FBXO41: variants seen among roughly 807,000 people sequenced by gnomAD.
FBXO41 encodes the protein F-box protein 41, also known as F-box only protein 41.
Under a neutral mutation model 81.6 loss-of-function variants are expected in FBXO41, and 33 were observed. That is an observed-to-expected ratio of 0.40 (90% CI 0.31 to 0.54). The LOEUF is 0.54. FBXO41 is among the 20% of genes least tolerant of loss of function. The pLI, the probability that FBXO41 is intolerant of heterozygous loss-of-function variation, is 0.39. For missense variants in FBXO41, 1,107 were observed against 1,236.0 expected (o/e 0.90, Z 1.56); for synonymous variants, 576 against 552.7 (o/e 1.04, Z -0.59).
Position 73,260,652 on chromosome 2 carries a change from C to T in FBXO41, c.2290+88G>A, listed in dbSNP as rs1687982495. On this transcript the variant is annotated intron_variant, in intron 10 of 12. Coordinates refer to ENST00000520530, the MANE Select transcript of FBXO41 (RefSeq NM_001371389.2). This position sits in a 1 kb window ranked among gnomAD's most constrained non-coding sequence, Gnocchi z 5.0. ...CCACCTGCCACCACCCAGGCTGCAG[C>T]CCCAAGCCCCTGTGGGATTTCACAA... 3.3e-6 allele frequency: 5 copies of T among 1,524,216 alleles called. No homozygotes were observed. Among genetic ancestry groups the T allele is most frequent in the Non-Finnish European group, 3.5e-6 (4 of 1,129,262 alleles). 94.4% of individuals were successfully genotyped at this position (1,524,216 alleles called of 1,614,324 possible). A position where few individuals can be genotyped will look rare whatever the true frequency, so the allele number is the denominator to read the frequency against.
intron 1 of FBXO41, chr2:73,271,623 T>TGCCC (rs1688492959): frequency 9.3e-6 from 1 of 107,638 alleles, no homozygotes; most frequent in African/African-American, 3.6e-5. Context: ...AATTCTGCAC[T>TGCCC]CCCCCCCCCC....
At position 73,259,250 on chromosome 2, in the gene FBXO41, C is replaced by T. The variant is rs764352742; in HGVS notation, c.2496G>A (p.Ala832=). The T allele has an allele frequency of 1.9e-5, 30 of 1,613,920 alleles. No homozygotes were observed. Among genetic ancestry groups the T allele is most frequent in the East Asian group, 1.3e-4 (6 of 44,892 alleles). ...GGCTGCTGGGCTCTTTGAAATAATCCGCAATCCCAATCTGGACCACAATGG... is the reference window on the plus strand; with the variant it reads ...GGCTGCTGGGCTCTTTGAAATAATCTGCAATCCCAATCTGGACCACAATGG... ...LKSIVVQIGI[A]DYFKEPSSPE... The change falls in exon 12 of 13, where the codon GCG becomes GCA. Residue 832 remains alanine, a synonymous_variant. Transcript: ENST00000520530. The surrounding 1 kb of genome is among the most constrained non-coding windows in gnomAD (Gnocchi z 4.2).
chr2:73,260,059 T>C lies in FBXO41; in HGVS notation c.2449+330A>G, dbSNP rs1687950606. ...TCTGGAGTCCAGGGAGAGAGGAGTC[T>C]TCACCCTGAGAACTGTCCTTGGGGG... On this transcript the variant is annotated intron_variant, in intron 11 of 12. Coordinates refer to ENST00000520530, the MANE Select transcript of FBXO41 (RefSeq NM_001371389.2). The surrounding 1 kb of genome is among the most constrained non-coding windows in gnomAD (Gnocchi z 5.0). Among the ~76,000 whole-genome samples the C allele has an allele frequency of 6.6e-6, 1 of 152,162 alleles. No individual in the cohort carries two copies. The highest frequency in any genetic ancestry group is 2.1e-4 in the South Asian group (1 of 4,828).
chr2:73,259,424 AC>A lies in FBXO41; in HGVS notation c.2450-129del. ...CCGGGAACACGACAGAGGAGAGCAGACTCATGCCACCTGGGGGCTGGCGACC... is the reference window on the plus strand; with the variant it reads ...CCGGGAACACGACAGAGGAGAGCAGATCATGCCACCTGGGGGCTGGCGACC... On this transcript the variant is annotated intron_variant, in intron 11 of 12. Transcript: ENST00000520530. This position sits in a 1 kb window ranked among gnomAD's most constrained non-coding sequence, Gnocchi z 4.2. 1.3e-6 allele frequency: 1 copy of A among 769,214 alleles called. No individual in the cohort carries two copies. Among genetic ancestry groups the A allele is most frequent in the South Asian group, 1.7e-5 (1 of 60,070 alleles). The allele number at this position is 769,214 out of a possible 1,614,324, so 47.6% of individuals were successfully genotyped here. A position where few individuals can be genotyped will look rare whatever the true frequency, so the allele number is the denominator to read the frequency against.
rs189883609 is a variant in FBXO41 at position 73,263,915 on chromosome 2, C to T, written c.1922+23G>A. On this transcript the variant is annotated intron_variant, in intron 7 of 12. Transcript: ENST00000520530. ...AGGTCTGTGGCCCAACAGCACCCACCACCCACCCATCGCAGGCCTCACCGG... is the reference window on the plus strand; with the variant it reads ...AGGTCTGTGGCCCAACAGCACCCACTACCCACCCATCGCAGGCCTCACCGG... 1.2e-5 allele frequency: 19 copies of T among 1,613,294 alleles called. No homozygotes were observed. The African/African-American group carries it at 1.9e-4, about 16-fold the overall frequency.
chr2:73,262,938 T>G (rs1187017500), intron 9 of FBXO41, among the ~76,000 whole-genome samples: 1 of 152,148 alleles, frequency 6.6e-6, no homozygotes. Context: ...AGAGACAGGG[T>G]GTCTCCATGT....
At position 73,257,097 on chromosome 2, in the gene FBXO41, T is replaced by C. The variant is rs1192657448; in HGVS notation, c.*1885A>G. 6.5e-6 allele frequency: 1 copy of C among 152,850 alleles called. No individual in the cohort carries two copies. The highest frequency in any genetic ancestry group is 1.5e-5 in the Non-Finnish European group (1 of 68,200). 9.5% of individuals were successfully genotyped at this position (152,850 alleles called of 1,614,324 possible). On this transcript the variant is annotated 3_prime_UTR_variant, in exon 13 of 13. Transcript: ENST00000520530. The surrounding 1 kb of genome is among the most constrained non-coding windows in gnomAD (Gnocchi z 4.6). ...GACCTCCACCTCCCTTCCAGGCCTC[T>C]GGAGGAGAGGAAAGAAAGCTGTGCT... is the stretch of plus-strand genomic sequence containing the variant.
At chr2:73,272,104 TCA>T (rs1334923958) in intron 1 of FBXO41, 1 of 152,176 alleles carries the variant, frequency 6.6e-6, no homozygotes, top group Non-Finnish European at 1.5e-5. Flanking sequence ...CATTCCCCAC[TCA>T]CAGGTTGGTG....
At chr2:73,263,642 G>C (rs1239127117) in intron 8 of FBXO41, 36 bp downstream of exon 8, 1 of 1,610,710 alleles carries the variant, frequency 6.2e-7, no homozygotes, top group South Asian at 1.1e-5. Context: ...CCTGGGCTTA[G>C]AGGGAACAGG....
rs1013270402 is a variant in FBXO41, at chr2:73,266,906, C to T, written c.906-224G>A. ...AGCCACACACTCACACCCCACCCACCTGGCCCCAGACCCTGCTCTCCACAG... is the reference window on the plus strand; with the variant it reads ...AGCCACACACTCACACCCCACCCACTTGGCCCCAGACCCTGCTCTCCACAG... On this transcript the variant is annotated intron_variant, in intron 2 of 12. Coordinates refer to ENST00000520530, the MANE Select transcript of FBXO41 (RefSeq NM_001371389.2). This position sits in a 1 kb window ranked among gnomAD's most constrained non-coding sequence, Gnocchi z 5.3. 1 of 564,048 alleles carries T rather than the reference C, an allele frequency of 1.8e-6. No homozygotes were observed. The highest frequency in any genetic ancestry group is 2.8e-6 in the Non-Finnish European group (1 of 352,254). The allele number at this position is 564,048 out of a possible 1,614,324, so 34.9% of individuals were successfully genotyped here.
Position 73,260,591 on chromosome 2 carries a change from G to A in FBXO41, c.2291-44C>T. On this transcript the variant is annotated intron_variant, in intron 10 of 12. Coordinates refer to ENST00000520530, the MANE Select transcript of FBXO41 (RefSeq NM_001371389.2). The surrounding 1 kb of genome is among the most constrained non-coding windows in gnomAD (Gnocchi z 5.0). ...GGGATCCTGCTGACACACTCCCCAG[G>A]TCACCCCTGCAGCCAGCACCCTGGC... 2 of 1,556,996 alleles carry A rather than the reference G, an allele frequency of 1.3e-6. No homozygotes were observed. Among genetic ancestry groups the A allele is most frequent in the Non-Finnish European group, 1.7e-6 (2 of 1,150,804 alleles).
chr2:73,265,362 T>C lies in FBXO41; in HGVS notation c.1484A>G (p.Glu495Gly). Residue 495 changes from glutamate to glycine, a missense_variant, in exon 5 of 13, where the codon GAG becomes GGG. Physicochemically the swap from Glu to Gly is moderately conservative, Grantham distance 98. Coordinates refer to ENST00000520530, the MANE Select transcript of FBXO41 (RefSeq NM_001371389.2). ...DVSDVGSRTT[E>G]SEAEGPLDAP... ...ATCCAACGGGCCCTCAGCCTCTGAC[T>C]CAGTGGTTCGGGAGCCAACGTCGGA... The C allele has an allele frequency of 6.2e-7, 1 of 1,612,016 alleles. No homozygotes were observed. The highest frequency in any genetic ancestry group is 8.5e-7 in the Non-Finnish European group (1 of 1,179,752).
chr2:73,260,679 G>T lies in FBXO41; in HGVS notation c.2290+61C>A. The T allele has an allele frequency of 6.6e-7, 1 of 1,515,378 alleles. No individual in the cohort carries two copies. Among genetic ancestry groups the T allele is most frequent in the South Asian group, 1.3e-5 (1 of 79,072 alleles). 93.9% of individuals were successfully genotyped at this position (1,515,378 alleles called of 1,614,324 possible). ...CCAAGCCCCTGTGGGATTTCACAAG[G>T]CAGCACTGCACCCATGCCTGCTTCC... On this transcript the variant is annotated intron_variant, in intron 10 of 12. Coordinates refer to ENST00000520530, the MANE Select transcript of FBXO41 (RefSeq NM_001371389.2). The surrounding 1 kb of genome is among the most constrained non-coding windows in gnomAD (Gnocchi z 5.0).
rs1688416531 is a variant in FBXO41 at position 73,269,480 on chromosome 2, C to T, written c.151G>A (p.Ala51Thr). The change falls in exon 2 of 13, where the codon GCC becomes ACC. Residue 51 changes from alanine to threonine, a missense_variant. By Grantham distance (58) the Ala-to-Thr change is moderately conservative. This residue lies in a region of FBXO41 where 771 missense variants were observed against 789.2 expected (regional missense o/e 0.98). Coordinates refer to ENST00000520530, the MANE Select transcript of FBXO41 (RefSeq NM_001371389.2). The surrounding 1 kb of genome is among the most constrained non-coding windows in gnomAD (Gnocchi z 7.0). ...GCGGCGGCGGCCGCGGCGGCGGCGG[C>T]GCCGTCGCAGATGCTGTTGGTCTTG... is the stretch of plus-strand genomic sequence containing the variant. ...LSKTNSICDGAAAAAAAAAAA... is the reference protein window; with the variant it reads ...LSKTNSICDGTAAAAAAAAAA... The T allele has an allele frequency of 3.9e-6, 5 of 1,283,356 alleles. No homozygotes were observed. Among genetic ancestry groups the T allele is most frequent in the Admixed American group, 3.6e-5 (1 of 27,926 alleles). The allele number at this position is 1,283,356 out of a possible 1,614,324, so 79.5% of individuals were successfully genotyped here.
intron 1 of FBXO41, among the ~76,000 whole-genome samples, chr2:73,283,779 C>T (rs1688914719): frequency 6.6e-6 from 1 of 152,132 alleles, no homozygotes; most frequent in African/African-American, 2.4e-5. Flanking sequence ...CAGGCCCCTC[C>T]CCCAGCCCCT....
At chr2:73,261,361 A>T (rs529532105) in intron 9 of FBXO41, among the ~76,000 whole-genome samples, 5 of 152,164 alleles carry the variant, frequency 3.3e-5, no homozygotes, top group African/African-American at 1.2e-4. Context: ...CCCGGCCTTA[A>T]GTACTCTTGA....
rs1214633859 is a variant in FBXO41, at chr2:73,264,058, G to T, written c.1807-5C>A. The T allele has an allele frequency of 6.3e-6, 10 of 1,584,674 alleles. No homozygotes were observed. The South Asian group carries it at 9.2e-5, about 15-fold the overall frequency. On this transcript the variant is annotated splice_region_variant and splice_polypyrimidine_tract_variant and intron_variant, in intron 6 of 12. Transcript: ENST00000520530. ...CTGAGCCAGCATTGCCAGGAACTGT[G>T]GGGGAGGGGAAGGACATTTGGAGAT... is the stretch of plus-strand genomic sequence containing the variant.
chr2:73,257,497 G>A lies in FBXO41; in HGVS notation c.*1485C>T, dbSNP rs1664653510. ...GGGTCCCTGGGAAGGACTGGGTAACGAGGGGACCCCATCCCCCGCCAGGAC... is the reference window on the plus strand; with the variant it reads ...GGGTCCCTGGGAAGGACTGGGTAACAAGGGGACCCCATCCCCCGCCAGGAC... On this transcript the variant is annotated 3_prime_UTR_variant, in exon 13 of 13. Transcript: ENST00000520530. The surrounding 1 kb of genome is among the most constrained non-coding windows in gnomAD (Gnocchi z 4.6). The A allele has an allele frequency of 1.3e-5, 2 of 152,312 alleles. No individual in the cohort carries two copies. The highest frequency in any genetic ancestry group is 2.9e-5 in the Non-Finnish European group (2 of 68,140). The allele number at this position is 152,312 out of a possible 1,614,324, so 9.4% of individuals were successfully genotyped here.
Position 73,254,798 on chromosome 2 carries a change from AC to A in FBXO41, c.*4183del, listed in dbSNP as rs1159891800. ...AGGTACATTCAGCAAAGGGCATCTT[AC>A]GGGTGACATGGAGCAAAGTGCTGGG... On this transcript the variant is annotated 3_prime_UTR_variant, in exon 13 of 13. Transcript: ENST00000520530. 2.0e-5 allele frequency: 3 copies of A among 152,690 alleles called. No individual in the cohort carries two copies. The highest frequency in any genetic ancestry group is 4.4e-5 in the Non-Finnish European group (3 of 68,058). 9.5% of individuals were successfully genotyped at this position (152,690 alleles called of 1,614,324 possible).
Sources: allele counts gnomAD v4.1 joint callset (sites outside exome capture counted in the v4.1 genomes callset), GRCh38; gene constraint gnomAD v4.1.1; regional missense constraint gnomAD v4.1.1; non-coding constraint Gnocchi (gnomAD v3.1); transcripts MANE v1.5; gene names NCBI Gene and HGNC (gene_info 2026-07-23, HGNC 2026-07-21).